DACH1: variants seen among roughly 807,000 people sequenced by gnomAD.
The protein encoded by DACH1 is dachshund family transcription factor 1.
In DACH1, 12 loss-of-function variants were observed where a neutral mutation model predicts 54.2. The observed-to-expected ratio is 0.22, with a 90% confidence interval of 0.14 to 0.36. The LOEUF (loss-of-function observed/expected upper bound fraction) is 0.36. DACH1 is among the 10% of genes least tolerant of loss of function. The pLI is 1.00. For synonymous variants in DACH1, 386 were observed against 366.2 expected, an observed-to-expected ratio of 1.05 and a Z score of -0.62; for missense variants, 805 against 929.8, an observed-to-expected ratio of 0.87 and a Z score of 1.75.
At chr13:71,565,255 A>G in intron 4 of DACH1, among the ~76,000 whole-genome samples, 1 of 152,132 alleles carries the variant, frequency 6.6e-6, no homozygotes, top group East Asian at 1.9e-4. Context: ...GATGAAGTTG[A>G]CCAGCACTTT....
At chr13:71,571,926 G>A (rs1204602443) in intron 4 of DACH1, among the ~76,000 whole-genome samples, 7 of 151,866 alleles carry the variant, frequency 4.6e-5, no homozygotes, top group South Asian at 4.2e-4. Flanking sequence ...TGATAGATAC[G>A]GGGTTTCACC....
At chr13:71,507,369 A>T (rs577844623) in intron 6 of DACH1, among the ~76,000 whole-genome samples, 87 of 152,320 alleles carry the variant, frequency 5.7e-4, no homozygotes, top group African/African-American at 2.0e-3. Flanking sequence ...CTATAACAAT[A>T]ACTTCAAAAA....
chr13:71,838,504 A>G (rs1310294083), intron 1 of DACH1, among the ~76,000 whole-genome samples: 1 of 152,244 alleles, frequency 6.6e-6, no homozygotes, highest in Non-Finnish European at 1.5e-5. Context: ...AAAATACTAC[A>G]TAGAATTGTT....
At chr13:71,508,657 A>G (rs1880521475) in intron 6 of DACH1, among the ~76,000 whole-genome samples, 1 of 151,812 alleles carries the variant, frequency 6.6e-6, no homozygotes. Context: ...TGTAGAGACA[A>G]GGTCTCACTA....
chr13:71,552,836 TATATATAG>T (rs1204626071), intron 6 of DACH1, among the ~76,000 whole-genome samples: 43 of 27,142 alleles, frequency 1.6e-3, no homozygotes, highest in Non-Finnish European at 2.1e-3. Flanking sequence ...TATATATATA[TATATATAG>T]AGAGAGAGAG....
At chr13:71,761,258 C>T (rs1274854908) in intron 1 of DACH1, among the ~76,000 whole-genome samples, 3 of 152,066 alleles carry the variant, frequency 2.0e-5, no homozygotes, top group Admixed American at 1.3e-4. Context: ...TTAAATATCC[C>T]GGTAGTAGTC....
intron 6 of DACH1, among the ~76,000 whole-genome samples, chr13:71,538,583 A>G (rs1400842432): frequency 2.6e-5 from 4 of 152,132 alleles, no homozygotes; most frequent in Non-Finnish European, 4.4e-5. Flanking sequence ...ATGGATCTTC[A>G]CATTTTAATA....
chr13:71,692,920 T>C (rs1033702439), intron 1 of DACH1, among the ~76,000 whole-genome samples: 1 of 152,174 alleles, frequency 6.6e-6, no homozygotes, highest in Non-Finnish European at 1.5e-5. Context: ...ATAGACAAAA[T>C]CTGAATCTAA....
rs1883876904 is a variant in DACH1, at chr13:71,734,108, A to G, written c.849-52198T>C. Among the ~76,000 whole-genome samples, 10 of 151,544 alleles carry G rather than the reference A, an allele frequency of 6.6e-5. 2 individuals are homozygous for G. In the South Asian group the frequency reaches 1.7e-3, roughly 25 times the overall value. ...TGAATATATATGTGTGTGTGTATAT[A>G]TATATGTATATGGGATACATATATA... On this transcript the variant is annotated intron_variant, in intron 1 of 10. Coordinates refer to ENST00000613252, the MANE Select transcript of DACH1 (RefSeq NM_080759.6).
In DACH1 at chr13:71,496,261, GTATATATATATATA is replaced by G. The variant is rs35142229; in HGVS notation, c.1571-7127_1571-7114del. On this transcript the variant is annotated intron_variant, in intron 6 of 10. Transcript: ENST00000613252. ...TCCCAAAAAACAAAAAAATTGCTAT[GTATATATATATATA>G]TATATATATATATATATATATATAT... 4.3e-3 allele frequency among the ~76,000 whole-genome samples: 158 copies of G among 37,150 alleles called. 1 individual carries two copies. The highest frequency in any genetic ancestry group is 0.029 in the Middle Eastern group (1 of 34). 24.4% of individuals were successfully genotyped at this position (37,150 alleles called of 152,430 possible).
intron 10 of DACH1, among the ~76,000 whole-genome samples, chr13:71,462,110 T>C (rs1876129683): frequency 1.3e-5 from 2 of 152,038 alleles, no homozygotes; most frequent in African/African-American, 2.4e-5. Flanking sequence ...CATCGTTTTA[T>C]AGGTGTAATT....
At chr13:71,604,874 T>TCAGTAATTTA (rs1404128602) in intron 3 of DACH1, among the ~76,000 whole-genome samples, 2 of 151,828 alleles carry the variant, frequency 1.3e-5, no homozygotes, top group African/African-American at 4.8e-5. Flanking sequence ...TTAATCAAAA[T>TCAGTAATTTA]AGCAAACAGG....
At chr13:71,570,944 C>A (rs1885156570) in intron 4 of DACH1, among the ~76,000 whole-genome samples, 1 of 151,996 alleles carries the variant, frequency 6.6e-6, no homozygotes, top group South Asian at 2.1e-4. Context: ...GTGTATATTG[C>A]AAAATAAAAT....
intron 1 of DACH1, among the ~76,000 whole-genome samples, chr13:71,712,843 T>C (rs9572769): frequency 0.27 from 40,934 of 152,094 alleles, 12,805 homozygotes; most frequent in African/African-American, 0.76. Context: ...ATTTCACTAA[T>C]GGAAAATTTA....
At chr13:71,607,436 A>C (rs1378808208) in intron 3 of DACH1, among the ~76,000 whole-genome samples, 4 of 151,978 alleles carry the variant, frequency 2.6e-5, no homozygotes, top group Non-Finnish European at 5.9e-5. Flanking sequence ...AAAGTAACTC[A>C]AGGAAATGCA....
intron 1 of DACH1, among the ~76,000 whole-genome samples, chr13:71,721,755 AT>A (rs753090618): frequency 6.6e-6 from 1 of 152,048 alleles, no homozygotes; most frequent in African/African-American, 2.4e-5. Context: ...TCCTCATATC[AT>A]TTTTTCTTCC....
intron 10 of DACH1, among the ~76,000 whole-genome samples, chr13:71,468,877 T>C (rs568055280): frequency 1.1e-3 from 172 of 152,308 alleles, no homozygotes; most frequent in African/African-American, 3.9e-3. Flanking sequence ...AAACATAATA[T>C]AGGCACAATG....
intron 2 of DACH1, among the ~76,000 whole-genome samples, chr13:71,680,786 C>G (rs1880851459): frequency 6.6e-6 from 1 of 152,108 alleles, no homozygotes; most frequent in Admixed American, 6.6e-5. Flanking sequence ...GAGTTAGAGA[C>G]AGTCATTGAT....
intron 4 of DACH1, among the ~76,000 whole-genome samples, chr13:71,572,051 G>T (rs976645153): frequency 6.6e-6 from 1 of 152,000 alleles, no homozygotes; most frequent in African/African-American, 2.4e-5. Context: ...AGAAAAATGG[G>T]ATAATTGTAA....
Sources: allele counts gnomAD v4.1 joint callset (sites outside exome capture counted in the v4.1 genomes callset), GRCh38; gene constraint gnomAD v4.1.1; transcripts MANE v1.5; gene names NCBI Gene and HGNC (gene_info 2026-07-23, HGNC 2026-07-21).